RUSF1: variants seen among roughly 807,000 people sequenced by gnomAD.
The protein encoded by RUSF1 is RUS family member 1, also known as RUS1 family protein C16orf58.
Under a neutral mutation model 63.0 loss-of-function variants are expected in RUSF1, and 58 were observed. The observed-to-expected ratio is 0.92, with a 90% CI of 0.75 to 1.15. The LOEUF is 1.15. RUSF1 is among the 50% of genes most tolerant of loss of function. The probability of loss-of-function intolerance (pLI) is 0.00; values close to 1 mark genes in which losing one functional copy is unlikely to be tolerated. For missense variants in RUSF1, 652 were observed against 611.0 expected (o/e 1.07, Z -0.71); for synonymous variants, 274 against 255.8 (o/e 1.07, Z -0.68).
intron 5 of RUSF1, among the ~76,000 whole-genome samples, chr16:31,498,996 G>A (rs2082618479): frequency 6.6e-6 from 1 of 152,168 alleles, no homozygotes; most frequent in Non-Finnish European, 1.5e-5. Flanking sequence ...AATAAATACT[G>A]TACTGAAAGA....
chr16:31,491,978 G>C (rs1175907170), intron 12 of RUSF1, 31 bp downstream of exon 12: 1 of 1,612,430 alleles, frequency 6.2e-7, no homozygotes, highest in Non-Finnish European at 8.5e-7. Flanking sequence ...AGGCTTCAGG[G>C]GCCAAGCAGC....
chr16:31,498,421 A>T (rs951667296), intron 5 of RUSF1, among the ~76,000 whole-genome samples: 1 of 152,216 alleles, frequency 6.6e-6, no homozygotes, highest in African/African-American at 2.4e-5. Flanking sequence ...GTCCTCTACC[A>T]CAAGGAACCG....
At chr16:31,496,976 T>C (rs2082607150) in intron 5 of RUSF1, 26 bp from the exon 6 acceptor site, 1 of 1,563,128 alleles carries the variant, frequency 6.4e-7, no homozygotes, top group Non-Finnish European at 8.7e-7. Flanking sequence ...AGAGAGAAGG[T>C]TGGCAGAGAC....
chr16:31,500,322 C>A (rs1260446528), intron 3 of RUSF1, among the ~76,000 whole-genome samples: 1 of 152,180 alleles, frequency 6.6e-6, no homozygotes, highest in Non-Finnish European at 1.5e-5. Context: ...CTGCCCAATA[C>A]CATGGAAAGC....
chr16:31,498,232 GCCCTGTTCCATT>G (rs2142652383), intron 5 of RUSF1, among the ~76,000 whole-genome samples: 1 of 152,254 alleles, frequency 6.6e-6, no homozygotes, highest in South Asian at 2.1e-4. Flanking sequence ...GAAGCTCATG[GCCCTGTTCCATT>G]CCCTTGTTGG....
chr16:31,501,653 G>A (rs1201510466), intron 2 of RUSF1, among the ~76,000 whole-genome samples: 1 of 151,478 alleles, frequency 6.6e-6, no homozygotes, highest in Non-Finnish European at 1.5e-5. Context: ...AGAGGGACAG[G>A]CCTCCTTAGG....
intron 12 of RUSF1, 71 bp downstream of exon 12, chr16:31,491,938 G>A (rs1411758737): frequency 4.1e-6 from 6 of 1,479,752 alleles, no homozygotes; most frequent in Non-Finnish European, 5.6e-6. Context: ...GAAAGGGTGG[G>A]AGTGGGGGAA....
chr16:31,506,671 T>C (rs568949092), intron 2 of RUSF1, among the ~76,000 whole-genome samples: 1 of 152,268 alleles, frequency 6.6e-6, no homozygotes, highest in South Asian at 2.1e-4. Flanking sequence ...TAATCCCAGC[T>C]ACTTGGGAAG....
At chr16:31,505,647 T>C (rs1228863106) in intron 2 of RUSF1, among the ~76,000 whole-genome samples, 1 of 152,148 alleles carries the variant, frequency 6.6e-6, no homozygotes, top group Non-Finnish European at 1.5e-5. Context: ...AGGGGATTAC[T>C]GTGGCACTAG....
intron 2 of RUSF1, among the ~76,000 whole-genome samples, chr16:31,507,345 T>A (rs373865524): frequency 8.5e-4 from 129 of 152,344 alleles, no homozygotes; most frequent in African/African-American, 3.0e-3. Flanking sequence ...ACACAATACC[T>A]TCCATTCTTT....
At chr16:31,492,127 A>G (rs767651413) in intron 11 of RUSF1, 41 bp from the exon 12 acceptor site, 2 of 1,613,786 alleles carry the variant, frequency 1.2e-6, no homozygotes, top group African/African-American at 2.7e-5. Context: ...TGTGTCCTCC[A>G]GCAGGACAGA....
chr16:31,500,642 C>T, intron 3 of RUSF1, 44 bp downstream of exon 3: 1 of 1,593,684 alleles, frequency 6.3e-7, no homozygotes. Flanking sequence ...ACTACCACTA[C>T]TGGGAAGAGT....
rs775036191 is a variant in RUSF1 at position 31,493,741 on chromosome 16, C to T, written c.820G>A (p.Ala274Thr). ...FFFLTALHIY[A>T]NYRAVRALVM... ...AGGGCTCGGACCGCGCGGTAGTTGG[C>T]GTAGATGTGGAGGGCAGTGAGGAAG... Residue 274 changes from alanine (A) to threonine (T), a missense_variant, in exon 8 of 13, where the codon GCC becomes ACC. Physicochemically the swap from Ala to Thr is moderately conservative, Grantham distance 58. Coordinates refer to ENST00000327237, the MANE Select transcript of RUSF1 (RefSeq NM_022744.4). 1.1e-5 allele frequency: 17 copies of T among 1,614,060 alleles called. No individual in the cohort carries two copies. The highest frequency in any genetic ancestry group is 3.3e-4 in the Middle Eastern group (2 of 6,084).
At position 31,496,887 on chromosome 16, in the gene RUSF1, T is replaced by C; in HGVS notation, c.664A>G (p.Asn222Asp). The stretch of plus-strand genomic sequence containing the variant: ...TTGGCTGACACGTCAGCCATGTTGT[T>C]CCTCCGAGCCTGGTGCACGGTCAGG... ...AALTVHQARRNNMADVSAKDS... is the reference protein window; with the variant it reads ...AALTVHQARRDNMADVSAKDS... The change falls in exon 6 of 13, where the codon AAC (asparagine) becomes GAC (aspartate). Residue 222 changes from asparagine to aspartate, a missense_variant. Coordinates refer to ENST00000327237, the MANE Select transcript of RUSF1 (RefSeq NM_022744.4). The C allele has an allele frequency of 6.2e-7, 1 of 1,609,234 alleles. No homozygotes were observed. Among genetic ancestry groups the C allele is most frequent in the Non-Finnish European group, 8.5e-7 (1 of 1,178,156 alleles).
At chr16:31,499,276 A>G (rs748309746) in intron 5 of RUSF1, 26 bp downstream of exon 5, 2 of 1,589,398 alleles carry the variant, frequency 1.3e-6, no homozygotes, top group South Asian at 2.2e-5. Flanking sequence ...TGTTTTAGGC[A>G]GATGGGTGCC....
In RUSF1 at chr16:31,491,952, G is replaced by A. The variant is rs1356900886; in HGVS notation, c.1309+57C>T. The A allele has an allele frequency of 8.8e-6, 14 of 1,583,518 alleles. No individual in the cohort carries two copies. The South Asian group carries it at 1.2e-4, about 14-fold the overall frequency. Reference sequence around the variant, plus strand: ...TGAAAGGGTGGGAGTGGGGGAAGGCGGGGCCCCCAGGGACAAGGCTTCAGG... The same window carrying A: ...TGAAAGGGTGGGAGTGGGGGAAGGCAGGGCCCCCAGGGACAAGGCTTCAGG... On this transcript the variant is annotated intron_variant, in intron 12 of 12. Transcript: ENST00000327237.
intron 2 of RUSF1, among the ~76,000 whole-genome samples, chr16:31,507,027 C>T (rs6565237): frequency 0.54 from 81,735 of 152,042 alleles, 24,464 homozygotes; most frequent in African/African-American, 0.81. Flanking sequence ...ATTAGGTTGG[C>T]TCAAATGTAA....
intron 6 of RUSF1, among the ~76,000 whole-genome samples, chr16:31,494,934 A>G (rs879508766): frequency 2.0e-5 from 3 of 152,132 alleles, no homozygotes; most frequent in Non-Finnish European, 4.4e-5. Context: ...TCAGCTTCCC[A>G]AAGTGCTGGG....
At chr16:31,507,481 A>G (rs1315747876) in intron 2 of RUSF1, among the ~76,000 whole-genome samples, 1 of 152,058 alleles carries the variant, frequency 6.6e-6, no homozygotes, top group African/African-American at 2.4e-5. Flanking sequence ...ATCTTCCACA[A>G]AGAGAATAGG....
Sources: gnomAD v4.1 joint callset for allele counts (sites outside exome capture counted in the v4.1 genomes callset) on GRCh38, gnomAD v4.1.1 for gene constraint, MANE v1.5 for transcripts, NCBI Gene and HGNC (gene_info 2026-07-23, HGNC 2026-07-21) for gene names.